The following ITFG1 variants were observed in gnomAD, a reference collection of about 807,000 sequenced individuals.
ITFG1 encodes the protein integrin alpha FG-GAP repeat containing 1, also known as T-cell immunomodulatory protein.
Under a neutral mutation model 81.8 loss-of-function variants are expected in ITFG1, and 34 were observed. The ratio of observed to expected loss-of-function variants is 0.42; its 90% CI spans 0.32 to 0.55. The LOEUF is 0.55. ITFG1 is among the 20% of genes least tolerant of loss of function. The probability of loss-of-function intolerance (pLI) is 0.17; values close to 1 mark genes in which losing one functional copy is unlikely to be tolerated. For missense variants in ITFG1, 672 were observed against 755.4 expected (o/e 0.89, Z 1.29); for synonymous variants, 285 against 270.6 (o/e 1.05, Z -0.52).
In ITFG1 at chr16:47,251,132, C is replaced by G. The variant is rs182934642; in HGVS notation, c.1330+7500G>C. On this transcript the variant is annotated intron_variant, in intron 12 of 17. Transcript: ENST00000320640. Reference sequence around the variant, plus strand: ...GCAGTGAGTTCCTCCCTGTAACATCCTCTCATTACTTCCCACTGGAATGCA... The same window carrying G: ...GCAGTGAGTTCCTCCCTGTAACATCGTCTCATTACTTCCCACTGGAATGCA... 6.6e-3 allele frequency among the ~76,000 whole-genome samples: 1,010 copies of G among 152,318 alleles called. 6 individuals carry two copies. The highest frequency in any genetic ancestry group is 0.011 in the Non-Finnish European group (751 of 68,036).
chr16:47,414,158 GCAAA>G (rs758756056), intron 6 of ITFG1, among the ~76,000 whole-genome samples: 32 of 152,198 alleles, frequency 2.1e-4, no homozygotes, highest in African/African-American at 1.7e-4. Context: ...GAGCAATGCT[GCAAA>G]CAAACAAACA....
chr16:47,347,766 C>T (rs532562116), intron 8 of ITFG1, among the ~76,000 whole-genome samples: 4 of 152,214 alleles, frequency 2.6e-5, no homozygotes, highest in African/African-American at 7.2e-5. Flanking sequence ...TCTCTGACCC[C>T]CAAGTAGCCT....
chr16:47,162,670 G>A lies in ITFG1; in HGVS notation c.1454-6C>T. ...GGATTGGCTGAGTTGGCCAGCTAGA[G>A]TTATTCAATTAAAAAAAAATTAAAA... is the stretch of plus-strand genomic sequence containing the variant. On this transcript the variant is annotated splice_polypyrimidine_tract_variant and splice_region_variant and intron_variant, in intron 14 of 17. Transcript: ENST00000320640. The A allele has an allele frequency of 6.4e-7, 1 of 1,571,556 alleles. No homozygotes were observed. Among genetic ancestry groups the A allele is most frequent in the Admixed American group, 2.0e-5 (1 of 49,840 alleles).
chr16:47,370,108 G>A (rs1968232516), intron 7 of ITFG1, among the ~76,000 whole-genome samples: 1 of 152,022 alleles, frequency 6.6e-6, no homozygotes, highest in African/African-American at 2.4e-5. Flanking sequence ...CCAAAGTGCT[G>A]GGATTACAGG....
intron 6 of ITFG1, among the ~76,000 whole-genome samples, chr16:47,388,312 T>C (rs1048280724): frequency 6.6e-6 from 1 of 152,022 alleles, no homozygotes; most frequent in South Asian, 2.1e-4. Flanking sequence ...CTTCCCAAAT[T>C]TGATGAAAAA....
chr16:47,281,667 T>C (rs1218042497), intron 10 of ITFG1, among the ~76,000 whole-genome samples: 1 of 152,146 alleles, frequency 6.6e-6, no homozygotes, highest in East Asian at 1.9e-4. Context: ...GCATGGAGGG[T>C]TGTTCATTGC....
rs558316958 is a variant in ITFG1 at position 47,239,408 on chromosome 16, C to T, written c.1331-1400G>A. Among the ~76,000 whole-genome samples, 275 of 152,136 alleles carry T rather than the reference C, an allele frequency of 1.8e-3. 1 individual carries two copies. Among genetic ancestry groups the T allele is most frequent in the Non-Finnish European group, 2.6e-3 (179 of 67,980 alleles). ...TAGAGACGGGGTTTCACCATGCTGG[C>T]CAGGATGGTCTCAATCTCTTGACCT... On this transcript the variant is annotated intron_variant, in intron 12 of 17. Transcript: ENST00000320640.
chr16:47,182,566 TGAAA>T (rs1022328052), intron 14 of ITFG1, among the ~76,000 whole-genome samples: 2 of 152,058 alleles, frequency 1.3e-5, no homozygotes, highest in Non-Finnish European at 2.9e-5. Context: ...TTTACACAGA[TGAAA>T]GAGAGACAAA....
intron 6 of ITFG1, among the ~76,000 whole-genome samples, chr16:47,397,621 A>T (rs142520614): frequency 6.6e-6 from 1 of 152,280 alleles, no homozygotes; most frequent in East Asian, 1.9e-4. Context: ...GTATGGTGCT[A>T]AACTAAACAT....
At chr16:47,451,324 AT>A in intron 5 of ITFG1, 71 bp downstream of exon 5, 2 of 813,816 alleles carry the variant, frequency 2.5e-6, no homozygotes, top group South Asian at 1.7e-5. Flanking sequence ...CCAATGAGCT[AT>A]TTTTTCTCCA....
intron 5 of ITFG1, among the ~76,000 whole-genome samples, chr16:47,442,079 A>G (rs895794352): frequency 2.0e-5 from 3 of 152,218 alleles, no homozygotes; most frequent in African/African-American, 7.2e-5. Flanking sequence ...TCCCATTCAC[A>G]ATGGTTTCAA....
At chr16:47,452,314 G>A (rs1247906055) in intron 4 of ITFG1, among the ~76,000 whole-genome samples, 1 of 152,130 alleles carries the variant, frequency 6.6e-6, no homozygotes, top group Admixed American at 6.6e-5. Context: ...TGGTACATGA[G>A]TCTACAGTGA....
intron 7 of ITFG1, among the ~76,000 whole-genome samples, chr16:47,370,702 C>A (rs988627702): frequency 2.6e-5 from 4 of 152,166 alleles, no homozygotes; most frequent in Admixed American, 6.5e-5. Context: ...TGCTTATACA[C>A]CCCTCATCAC....
intron 6 of ITFG1, among the ~76,000 whole-genome samples, chr16:47,414,563 A>T (rs1034860567): frequency 2.2e-4 from 33 of 152,068 alleles, no homozygotes; most frequent in African/African-American, 8.0e-4. Context: ...AACAACAACA[A>T]CAACAACAAC....
chr16:47,434,849 A>C (rs1227273164), intron 5 of ITFG1, among the ~76,000 whole-genome samples: 1 of 152,232 alleles, frequency 6.6e-6, no homozygotes, highest in Non-Finnish European at 1.5e-5. Context: ...TGCAGCCATA[A>C]AAAGAATGAG....
chr16:47,194,807 C>T (rs949569599), intron 14 of ITFG1, among the ~76,000 whole-genome samples: 6 of 151,994 alleles, frequency 3.9e-5, no homozygotes, highest in African/African-American at 9.7e-5. Context: ...TTTGCTGCAC[C>T]TATCAACCCA....
chr16:47,363,064 T>C (rs941238592), intron 8 of ITFG1, among the ~76,000 whole-genome samples: 1 of 151,962 alleles, frequency 6.6e-6, no homozygotes, highest in African/African-American at 2.4e-5. Flanking sequence ...GTCCAGCTAA[T>C]TTTTTTGTAT....
rs540550402 is a variant in ITFG1 at position 47,165,785 on chromosome 16, G to T, written c.1454-3121C>A. On this transcript the variant is annotated intron_variant, in intron 14 of 17. Transcript: ENST00000320640. ...ACCTGAGCCCAGGGAGGTTGAGGCT[G>T]TAGTGAGCTGTGATTGTACCACTGC... is the stretch of plus-strand genomic sequence containing the variant. Among the ~76,000 whole-genome samples, 5 of 152,334 alleles carry T rather than the reference G, an allele frequency of 3.3e-5. No homozygotes were observed. In the East Asian group the frequency reaches 9.6e-4, roughly 29 times the overall value.
intron 14 of ITFG1, among the ~76,000 whole-genome samples, chr16:47,185,116 C>T (rs1192233909): frequency 6.6e-6 from 1 of 151,856 alleles, no homozygotes; most frequent in Non-Finnish European, 1.5e-5. Flanking sequence ...CAGGAGCACC[C>T]AGATTCATAA....
Sources: allele counts gnomAD v4.1 joint callset (sites outside exome capture counted in the v4.1 genomes callset), GRCh38; gene constraint gnomAD v4.1.1; transcripts MANE v1.5; gene names NCBI Gene and HGNC (gene_info 2026-07-23, HGNC 2026-07-21).